NADK: variants seen among roughly 807,000 people sequenced by gnomAD.
NADK encodes the protein NAD kinase.
Under a neutral mutation model 49.8 loss-of-function variants are expected in NADK, and 22 were observed. That is an observed-to-expected ratio of 0.44 (90% confidence interval 0.32 to 0.63). NADK has a LOEUF of 0.63. Ranked by LOEUF, NADK falls within the 30% of genes least tolerant of loss-of-function variation. The pLI, the probability that NADK is intolerant of heterozygous loss-of-function variation, is 0.06. For missense variants in NADK, 438 were observed against 609.4 expected (o/e 0.72, Z 2.96); for synonymous variants, 268 against 253.7 (o/e 1.06, Z -0.54).
chr1:1,778,231 G>A lies in NADK; in HGVS notation c.-41+58C>T, dbSNP rs1646269567. The A allele has an allele frequency of 6.6e-6, 1 of 152,176 alleles. No homozygotes were observed. The highest frequency in any genetic ancestry group is 1.5e-5 in the Non-Finnish European group (1 of 68,044). The allele number at this position is 152,176 out of a possible 1,614,324, so 9.4% of individuals were successfully genotyped here. The stretch of plus-strand genomic sequence containing the variant: ...GCCTGGCCGCGCGCTCGCGGGCAGC[G>A]ATGACCCCAGGCAGCGGGCGACCCC... On this transcript the variant is annotated intron_variant, in intron 1 of 11. Transcript: ENST00000341426. The surrounding 1 kb of genome is among the most constrained non-coding windows in gnomAD (Gnocchi z 4.9).
intron 3 of NADK, among the ~76,000 whole-genome samples, chr1:1,760,914 C>T (rs1645701845): frequency 6.6e-6 from 1 of 152,076 alleles, no homozygotes; most frequent in South Asian, 2.1e-4. Context: ...CCTGCAATCT[C>T]AACCTCCCAG....
In NADK at chr1:1,752,977, T is replaced by C; in HGVS notation, c.1268A>G (p.Gln423Arg). The change falls in exon 12 of 12, where the codon CAG (glutamine) becomes CGG (arginine). Residue 423 changes from glutamine (Q) to arginine (R), a missense_variant. Gln to Arg is a conservative substitution (Grantham distance 43). Transcript: ENST00000341426. The stretch of plus-strand genomic sequence containing the variant: ...CTTCCGGACGTTCCAATGCAGGCAC[T>C]GGGCGAGGCTCTCAAACCAGTCGCT... ...PVSDWFESLA[Q>R]CLHWNVRKKQ... is the part of the protein sequence containing the mutation. 2 of 1,602,422 alleles carry C rather than the reference T, an allele frequency of 1.2e-6. No individual in the cohort carries two copies. Among genetic ancestry groups the C allele is most frequent in the Non-Finnish European group, 1.7e-6 (2 of 1,174,988 alleles).
At chr1:1,779,541 G>C (rs1348984325), upstream of NADK, among the ~76,000 whole-genome samples, 1 of 152,082 alleles carries the variant, frequency 6.6e-6, no homozygotes, top group African/African-American at 2.4e-5. Flanking sequence ...TCCAGTGGCG[G>C]GCTCACGGCT....
At chr1:1,758,985 T>C in intron 3 of NADK, 1 of 1,325,896 alleles carries the variant, frequency 7.5e-7, no homozygotes, top group Non-Finnish European at 1.0e-6. Context: ...GTCACTCTGC[T>C]TGGCTCCGGC....
At chr1:1,764,681 C>A (rs1466739161) in intron 2 of NADK, among the ~76,000 whole-genome samples, 1 of 152,214 alleles carries the variant, frequency 6.6e-6, no homozygotes, top group Non-Finnish European at 1.5e-5. Flanking sequence ...ACGGGCAGAT[C>A]ACCTGACGTC....
upstream of NADK, chr1:1,779,998 G>A (rs1017619971): frequency 6.6e-6 from 1 of 152,258 alleles, no homozygotes; most frequent in African/African-American, 2.4e-5. Flanking sequence ...TTCAGTTCAG[G>A]ACCACAGTGA....
chr1:1,779,665 A>G (rs1289277648), upstream of NADK, among the ~76,000 whole-genome samples: 1 of 111,710 alleles, frequency 9.0e-6, no homozygotes, highest in African/African-American at 3.5e-5. Context: ...ATATATATAT[A>G]TTTGTGTGTG....
In NADK at chr1:1,755,550, TCAG is replaced by T. The variant is rs1570507419; in HGVS notation, c.586-77_586-75del. The stretch of plus-strand genomic sequence containing the variant: ...CACCACCCAGCTTTCCAGCAGCACC[TCAG>T]GAGGGACCCAGCTCTGTGGGGACAG... On this transcript the variant is annotated intron_variant, in intron 6 of 11. Transcript: ENST00000341426. 6.3e-6 allele frequency: 7 copies of T among 1,104,970 alleles called. No individual in the cohort carries two copies. The East Asian group carries it at 1.6e-4, about 26-fold the overall frequency. The allele number at this position is 1,104,970 out of a possible 1,614,324, so 68.4% of individuals were successfully genotyped here. A position where few individuals can be genotyped will look rare whatever the true frequency, so the allele number is the denominator to read the frequency against.
intron 3 of NADK, chr1:1,758,748 G>T: frequency 1.4e-6 from 1 of 732,334 alleles, no homozygotes; most frequent in Non-Finnish European, 1.7e-6. Context: ...AAAGTCCTCA[G>T]TTCAGCAGCA....
intron 3 of NADK, among the ~76,000 whole-genome samples, chr1:1,760,594 A>C (rs892543244): frequency 2.0e-5 from 3 of 152,150 alleles, no homozygotes; most frequent in Non-Finnish European, 4.4e-5. Flanking sequence ...AGTCCCCAGC[A>C]GCCTGCGCGC....
rs751182182 is a variant in NADK at position 1,756,298 on chromosome 1, C to T, written c.545G>A (p.Gly182Glu). The T allele has an allele frequency of 4.5e-5, 72 of 1,614,052 alleles. No individual in the cohort carries two copies. The highest frequency in any genetic ancestry group is 5.9e-5 in the Non-Finnish European group (70 of 1,180,032). Residue 182 changes from glycine (G) to glutamate (E), a missense_variant, in exon 6 of 12, where the codon GGG becomes GAG. Gly to Glu is a moderately conservative substitution (Grantham distance 98). Transcript: ENST00000341426. ...AGCGTACAGCAGCGTCCCGTCTCCC[C>T]CCAGGCAGATGATGAAGTCTATCTG... ...SNQIDFIICL[G>E]GDGTLLYASS...
At chr1:1,773,818 G>A (rs2100382223) in intron 1 of NADK, among the ~76,000 whole-genome samples, 1 of 151,924 alleles carries the variant, frequency 6.6e-6, no homozygotes, top group African/African-American at 2.4e-5. Flanking sequence ...TGCAATTACA[G>A]CTTACTGCAG....
At chr1:1,773,587 C>T (rs980557780) in intron 1 of NADK, among the ~76,000 whole-genome samples, 3 of 150,962 alleles carry the variant, frequency 2.0e-5, no homozygotes, top group Admixed American at 6.6e-5. Context: ...CCCGTCTCTA[C>T]AAAAACATTA....
intron 1 of NADK, among the ~76,000 whole-genome samples, chr1:1,771,384 A>G (rs1435623531): frequency 6.6e-6 from 1 of 152,180 alleles, no homozygotes; most frequent in Non-Finnish European, 1.5e-5. Flanking sequence ...TCTAAAGGAA[A>G]GGACAAGCTG....
chr1:1,755,992 C>G (rs1348397648), intron 6 of NADK: 1 of 565,452 alleles, frequency 1.8e-6, no homozygotes, highest in Non-Finnish European at 3.2e-6. Context: ...TAGGCGAGGT[C>G]GTTTCCCAGG....
At chr1:1,761,117 C>T (rs2100322249) in intron 3 of NADK, among the ~76,000 whole-genome samples, 1 of 152,296 alleles carries the variant, frequency 6.6e-6, no homozygotes, top group East Asian at 1.9e-4. Context: ...CTCAGCCTCC[C>T]AAGTAGCTGG....
chr1:1,765,221 G>T lies in NADK; in HGVS notation c.179+7C>A. ...AAAAAAAGAGGAACCATCCCTCCCA[G>T]TTGTACCTGAACTCCTTGGTGCTCC... On this transcript the variant is annotated splice_region_variant and intron_variant, in intron 2 of 11. Coordinates refer to ENST00000341426, the MANE Select transcript of NADK (RefSeq NM_023018.5). 6.3e-7 allele frequency: 1 copy of T among 1,579,064 alleles called. No individual in the cohort carries two copies. Among genetic ancestry groups the T allele is most frequent in the Non-Finnish European group, 8.6e-7 (1 of 1,165,580 alleles).
intron 6 of NADK, 94 bp from the exon 7 acceptor site, chr1:1,755,570 T>C (rs547672085): frequency 1.1e-5 from 10 of 899,986 alleles, no homozygotes; most frequent in Non-Finnish European, 9.1e-6. Context: ...CCCAGCTCTG[T>C]GGGGACAGCA....
chr1:1,763,024 C>G (rs971138357), intron 2 of NADK, among the ~76,000 whole-genome samples: 5 of 152,226 alleles, frequency 3.3e-5, no homozygotes, highest in Non-Finnish European at 5.9e-5. Flanking sequence ...GCTGGCCAGG[C>G]AACGGCCCAA....
Sources: allele counts gnomAD v4.1 joint callset (sites outside exome capture counted in the v4.1 genomes callset), GRCh38; gene constraint gnomAD v4.1.1; non-coding constraint Gnocchi (gnomAD v3.1); transcripts MANE v1.5; gene names NCBI Gene and HGNC (gene_info 2026-07-23, HGNC 2026-07-21).